Variants in CCDC43 observed in about 807,000 individuals in gnomAD.
CCDC43 encodes the protein coiled-coil domain-containing protein 43.
A neutral mutation model predicts 33.3 loss-of-function variants in CCDC43; 20 were observed. The ratio of observed to expected loss-of-function variants is 0.60; its 90% CI spans 0.42 to 0.87. The LOEUF is 0.87. CCDC43 is among the 40% of genes least tolerant of loss of function. The pLI, the probability that CCDC43 is intolerant of heterozygous loss-of-function variation, is 0.00. For missense variants in CCDC43, 248 were observed against 269.9 expected (o/e 0.92, Z 0.57); for synonymous variants, 104 against 106.5 (o/e 0.98, Z 0.14).
chr17:44,683,889 G>A lies in CCDC43; in HGVS notation c.275C>T (p.Thr92Ile). The A allele has an allele frequency of 6.2e-7, 1 of 1,612,104 alleles. No homozygotes were observed. The highest frequency in any genetic ancestry group is 1.3e-5 in the African/African-American group (1 of 74,976). ...ERWSETQNVV[T>I]KVKKEDEVQA... is the part of the protein sequence containing the mutation. The stretch of plus-strand genomic sequence containing the variant: ...GACTCTACCTTCTTTTTTCACTTTG[G>A]TGACAACATTCTGAGTTTCTGACCA... Residue 92 changes from threonine (T) to isoleucine (I), a missense_variant, in exon 2 of 5, where the codon ACC becomes ATC. Thr to Ile is a moderately conservative substitution (Grantham distance 89). Coordinates refer to ENST00000315286, the MANE Select transcript of CCDC43 (RefSeq NM_144609.3).
In CCDC43 at chr17:44,689,550, C is replaced by G. The variant is rs767924156; in HGVS notation, c.204G>C (p.Leu68=). Residue 68 remains leucine (L), a splice_region_variant and synonymous_variant, in exon 1 of 5, where the codon CTG becomes CTC. Coordinates refer to ENST00000315286, the MANE Select transcript of CCDC43 (RefSeq NM_144609.3). The stretch of plus-strand genomic sequence containing the variant: ...GAAGGAATGTGTCCAGGCTACTCAC[C>G]AGGAAAGCAGAGAGGATCCCCTGCA... The part of the protein sequence containing the change: ...DALQGILSAF[L]EEDSLLNICK... 6.2e-7 allele frequency: 1 copy of G among 1,613,936 alleles called. No individual in the cohort carries two copies. Among genetic ancestry groups the G allele is most frequent in the South Asian group, 1.1e-5 (1 of 91,084 alleles).
intron 4 of CCDC43, among the ~76,000 whole-genome samples, chr17:44,680,115 C>A (rs1972137126): frequency 6.6e-6 from 1 of 151,682 alleles, no homozygotes; most frequent in South Asian, 2.1e-4. Context: ...GTATCTGGGA[C>A]TATGACTATA....
chr17:44,687,799 A>C (rs372268651), intron 1 of CCDC43: 1 of 152,104 alleles, frequency 6.6e-6, no homozygotes, highest in Non-Finnish European at 1.5e-5. Flanking sequence ...TCTCCCTATA[A>C]TCTGTAATGT....
chr17:44,680,561 A>G (rs200021080), intron 4 of CCDC43, 24 bp downstream of exon 4: 5 of 1,577,956 alleles, frequency 3.2e-6, no homozygotes, highest in Non-Finnish European at 3.5e-6. Context: ...GGAGAAACAC[A>G]TAGGGAGGGA....
At position 44,678,730 on chromosome 17, in the gene CCDC43, G is replaced by A; in HGVS notation, c.*126C>T. The A allele has an allele frequency of 1.0e-6, 1 of 955,342 alleles. No individual in the cohort carries two copies. Among genetic ancestry groups the A allele is most frequent in the Non-Finnish European group, 1.5e-6 (1 of 654,992 alleles). The allele number at this position is 955,342 out of a possible 1,614,324, so 59.2% of individuals were successfully genotyped here. A position where few individuals can be genotyped will look rare whatever the true frequency, so the allele number is the denominator to read the frequency against. Reference sequence around the variant, plus strand: ...TAGAAGTGATTTTGATTTTCCTTTTGACCATGTAAACAATAGGGGAAATGC... The same window carrying A: ...TAGAAGTGATTTTGATTTTCCTTTTAACCATGTAAACAATAGGGGAAATGC... On this transcript the variant is annotated 3_prime_UTR_variant, in exon 5 of 5. Transcript: ENST00000315286.
chr17:44,689,713 T>C lies in CCDC43; in HGVS notation c.41A>G (p.Glu14Gly). 1.3e-6 allele frequency: 2 copies of C among 1,597,186 alleles called. No individual in the cohort carries two copies. The highest frequency in any genetic ancestry group is 1.7e-6 in the Non-Finnish European group (2 of 1,172,624). The change falls in exon 1 of 5, where the codon GAA becomes GGA. Residue 14 changes from glutamate to glycine, a missense_variant. Coordinates refer to ENST00000315286, the MANE Select transcript of CCDC43 (RefSeq NM_144609.3). ...PSEVAAIAPGEGDGGGGGFGS... is the reference protein window; with the variant it reads ...PSEVAAIAPGGGDGGGGGFGS... ...AAAGCCGCCGCCTCCGCCATCGCCTTCGCCAGGGGCTATCGCGGCCACTTC... is the reference window on the plus strand; with the variant it reads ...AAAGCCGCCGCCTCCGCCATCGCCTCCGCCAGGGGCTATCGCGGCCACTTC...
chr17:44,689,446 A>AC, intron 1 of CCDC43, 104 bp downstream of exon 1: 7 of 1,501,286 alleles, frequency 4.7e-6, no homozygotes, highest in Non-Finnish European at 6.3e-6. Flanking sequence ...CCCAGGTGAG[A>AC]CCACTGAGCC....
At position 44,689,522 on chromosome 17, in the gene CCDC43, G is replaced by A. The variant is rs139493252; in HGVS notation, c.204+28C>T. 71 of 1,613,702 alleles carry A rather than the reference G, an allele frequency of 4.4e-5. No individual in the cohort carries two copies. The African/African-American group carries it at 8.0e-4, about 18-fold the overall frequency. On this transcript the variant is annotated intron_variant, in intron 1 of 4. Coordinates refer to ENST00000315286, the MANE Select transcript of CCDC43 (RefSeq NM_144609.3). ...ACAGGTCCTCAGATGCTGGCCAGAG[G>A]CTGAAGGAATGTGTCCAGGCTACTC...
intron 1 of CCDC43, among the ~76,000 whole-genome samples, chr17:44,686,478 A>G (rs1972238786): frequency 6.6e-6 from 1 of 152,220 alleles, no homozygotes; most frequent in Non-Finnish European, 1.5e-5. Flanking sequence ...TCCCCCACCA[A>G]AAGAAAAAGA....
intron 1 of CCDC43, chr17:44,687,797 T>A (rs1972262163): frequency 1.3e-5 from 2 of 152,204 alleles, no homozygotes; most frequent in Admixed American, 1.3e-4. Context: ...TTTCTCCCTA[T>A]AATCTGTAAT....
In CCDC43 at chr17:44,678,721, T is replaced by G; in HGVS notation, c.*135A>C. 2 of 885,342 alleles carry G rather than the reference T, an allele frequency of 2.3e-6. No homozygotes were observed. The highest frequency in any genetic ancestry group is 3.4e-6 in the Non-Finnish European group (2 of 592,772). 54.8% of individuals were successfully genotyped at this position (885,342 alleles called of 1,614,324 possible). A position where few individuals can be genotyped will look rare whatever the true frequency, so the allele number is the denominator to read the frequency against. ...TTTTGTAATTAGAAGTGATTTTGAT[T>G]TTCCTTTTGACCATGTAAACAATAG... On this transcript the variant is annotated 3_prime_UTR_variant, in exon 5 of 5. Transcript: ENST00000315286.
chr17:44,682,229 A>T (rs1443254651), intron 2 of CCDC43, 91 bp from the exon 3 acceptor site: 1 of 1,492,976 alleles, frequency 6.7e-7, no homozygotes, highest in Non-Finnish European at 9.2e-7. Context: ...TGTACTGAAG[A>T]CATTGGCATC....
Position 44,678,694 on chromosome 17 carries a change from C to T in CCDC43, c.*162G>A, listed in dbSNP as rs1344897688. On this transcript the variant is annotated 3_prime_UTR_variant, in exon 5 of 5. Transcript: ENST00000315286. ...GATTGCCCACCCCACCAAAACAGCACATTTTGTAATTAGAAGTGATTTTGA... is the reference window on the plus strand; with the variant it reads ...GATTGCCCACCCCACCAAAACAGCATATTTTGTAATTAGAAGTGATTTTGA... 1 of 710,548 alleles carries T rather than the reference C, an allele frequency of 1.4e-6. No homozygotes were observed. The highest frequency in any genetic ancestry group is 2.8e-5 in the East Asian group (1 of 35,808). The allele number at this position is 710,548 out of a possible 1,614,324, so 44.0% of individuals were successfully genotyped here. A position where few individuals can be genotyped will look rare whatever the true frequency, so the allele number is the denominator to read the frequency against.
In CCDC43 at chr17:44,688,112, A is replaced by G. The variant is rs149512779; in HGVS notation, c.204+1438T>C. ...TTCTGCCTTCTACCCTTTTAAAAAAATGAGATATGAATATGTACATTTATA... is the reference window on the plus strand; with the variant it reads ...TTCTGCCTTCTACCCTTTTAAAAAAGTGAGATATGAATATGTACATTTATA... On this transcript the variant is annotated intron_variant, in intron 1 of 4. Transcript: ENST00000315286. 20 of 152,326 alleles carry G rather than the reference A, an allele frequency of 1.3e-4. 2 individuals carry two copies. The highest frequency in any genetic ancestry group is 3.1e-4 in the African/African-American group (13 of 41,580). 9.4% of individuals were successfully genotyped at this position (152,326 alleles called of 1,614,324 possible).
At chr17:44,688,125 A>G (rs1242522063) in intron 1 of CCDC43, 1 of 152,036 alleles carries the variant, frequency 6.6e-6, no homozygotes, top group Non-Finnish European at 1.5e-5. Flanking sequence ...AGATATGAAT[A>G]TGTACATTTA....
At chr17:44,683,067 A>G (rs529432165) in intron 2 of CCDC43, among the ~76,000 whole-genome samples, 44 of 152,294 alleles carry the variant, frequency 2.9e-4, no homozygotes, top group African/African-American at 1.0e-3. Context: ...GAGAACCAAC[A>G]GTGTACAGAG....
chr17:44,679,619 G>A (rs1471192290), intron 4 of CCDC43, among the ~76,000 whole-genome samples: 1 of 152,188 alleles, frequency 6.6e-6, no homozygotes. Context: ...TTTAGGCTGG[G>A]CGCAGTGGCT....
intron 1 of CCDC43, among the ~76,000 whole-genome samples, chr17:44,685,930 T>C (rs1412490845): frequency 1.3e-5 from 2 of 152,158 alleles, no homozygotes; most frequent in Non-Finnish European, 1.5e-5. Context: ...TCTTTTTTTT[T>C]TGAGACGGAG....
chr17:44,685,042 C>T (rs1203701418), intron 1 of CCDC43, among the ~76,000 whole-genome samples: 2 of 152,166 alleles, frequency 1.3e-5, no homozygotes, highest in Non-Finnish European at 2.9e-5. Flanking sequence ...CATCTTGGCC[C>T]CCTAAAGTGT....
Sources: gnomAD v4.1 joint callset for allele counts (sites outside exome capture counted in the v4.1 genomes callset) on GRCh38, gnomAD v4.1.1 for gene constraint, MANE v1.5 for transcripts, NCBI Gene and HGNC (gene_info 2026-07-23, HGNC 2026-07-21) for gene names.